Variants in RALY observed in about 807,000 individuals in gnomAD.
RALY encodes the protein RALY heterogeneous nuclear ribonucleoprotein, also known as RNA-binding protein Raly.
A neutral mutation model predicts 30.7 loss-of-function variants in RALY; 15 were observed. The observed-to-expected ratio is 0.49, with a 90% CI of 0.33 to 0.75. The LOEUF (loss-of-function observed/expected upper bound fraction) is 0.75, where lower values mean the gene tolerates loss of function less well. Among genes scored for constraint, RALY ranks in the 30% least tolerant of loss-of-function variants. The probability of loss-of-function intolerance (pLI) is 0.02; values close to 1 mark genes in which losing one functional copy is unlikely to be tolerated. For missense variants in RALY, 339 were observed against 414.3 expected (o/e 0.82, Z 1.58); for synonymous variants, 177 against 170.8 (o/e 1.04, Z -0.28).
chr20:34,014,971 G>A lies in RALY; in HGVS notation c.-92-16551G>A, dbSNP rs143014797. 10 of 152,266 alleles carry A rather than the reference G, an allele frequency of 6.6e-5. No individual in the cohort carries two copies. In the East Asian group the frequency reaches 1.9e-3, roughly 29 times the overall value. The allele number at this position is 152,266 out of a possible 1,614,324, so 9.4% of individuals were successfully genotyped here. ...AAGTCAAAAAAAGAAATGTGACAAA[G>A]TGCTCTGGAAATTTACTGGAATTCT... is the stretch of plus-strand genomic sequence containing the variant. On this transcript the variant is annotated intron_variant, in intron 1 of 9. Coordinates refer to ENST00000246194, the MANE Select transcript of RALY (RefSeq NM_016732.3).
intron 1 of RALY, among the ~76,000 whole-genome samples, chr20:34,015,765 A>G (rs2031582887): frequency 6.6e-6 from 1 of 152,078 alleles, no homozygotes; most frequent in South Asian, 2.1e-4. Flanking sequence ...CTGTTTTCTC[A>G]TGCATACAGG....
In RALY at chr20:34,077,103, G is replaced by T. The variant is rs1253380746; in HGVS notation, c.734G>T (p.Gly245Val). ...GGTGGCAGCGGTGGCGGTGGCAGTGGTGGTGGCGGTGGCGGTGGCAGCAGC... is the reference window on the plus strand; with the variant it reads ...GGTGGCAGCGGTGGCGGTGGCAGTGTTGGTGGCGGTGGCGGTGGCAGCAGC... ...GGGGSGGGGS[G>V]GGGGGGSSRP... is the part of the protein sequence containing the mutation. Residue 245 changes from glycine (G) to valine (V), a missense_variant, in exon 8 of 10, where the codon GGT (glycine) becomes GTT (valine). Transcript: ENST00000246194. 1.2e-6 allele frequency: 2 copies of T among 1,601,994 alleles called. No individual in the cohort carries two copies. Among genetic ancestry groups the T allele is most frequent in the African/African-American group, 1.3e-5 (1 of 74,712 alleles).
chr20:34,034,377 T>C (rs2032398317), intron 2 of RALY, among the ~76,000 whole-genome samples: 1 of 152,234 alleles, frequency 6.6e-6, no homozygotes, highest in Admixed American at 6.5e-5. Context: ...CTACTCTGAA[T>C]ATCCAGGCTC....
chr20:34,076,314 A>T, intron 6 of RALY: 1 of 531,882 alleles, frequency 1.9e-6, no homozygotes, highest in Admixed American at 3.2e-5. Context: ...GGACAGGTCT[A>T]CCCAGGCCCA....
intron 1 of RALY, among the ~76,000 whole-genome samples, chr20:34,022,117 A>G (rs1210072692): frequency 6.9e-6 from 1 of 145,306 alleles, no homozygotes; most frequent in East Asian, 2.0e-4. Flanking sequence ...TTTAATAAAG[A>G]CAATGTCTCA....
At chr20:34,002,734 T>A (rs1035420428) in intron 1 of RALY, among the ~76,000 whole-genome samples, 1 of 152,220 alleles carries the variant, frequency 6.6e-6, no homozygotes, top group Non-Finnish European at 1.5e-5. Flanking sequence ...GGACAACATT[T>A]CCTTTCAGGT....
rs60912814 is a variant in RALY, at chr20:34,053,383, ATTTTTTTTTTT to A, written c.-9-18661_-9-18651del. Reference sequence around the variant, plus strand: ...GCCAACATTTAGTAGATGTTCAATAATTTTTTTTTTTTTTTTTTTTTTTTTTTTTTTTGAGA... The same window carrying A: ...GCCAACATTTAGTAGATGTTCAATAATTTTTTTTTTTTTTTTTTTTTGAGA... On this transcript the variant is annotated intron_variant, in intron 2 of 9. Transcript: ENST00000246194. 1.6e-3 allele frequency among the ~76,000 whole-genome samples: 85 copies of A among 54,148 alleles called. 1 individual carries two copies. The highest frequency in any genetic ancestry group is 2.1e-3 in the East Asian group (3 of 1,400). The allele number at this position is 54,148 out of a possible 152,430, so 35.5% of individuals were successfully genotyped here. A position where few individuals can be genotyped will look rare whatever the true frequency, so the allele number is the denominator to read the frequency against.
chr20:34,063,193 C>T (rs555057386), intron 2 of RALY, among the ~76,000 whole-genome samples: 1 of 152,212 alleles, frequency 6.6e-6, no homozygotes, highest in Non-Finnish European at 1.5e-5. Flanking sequence ...AGGCTTAGTG[C>T]AGTTCCTGGG....
intron 2 of RALY, among the ~76,000 whole-genome samples, chr20:34,046,830 T>G (rs2123155326): frequency 6.8e-6 from 1 of 147,228 alleles, no homozygotes; most frequent in African/African-American, 2.5e-5. Flanking sequence ...TTTTTTTTTT[T>G]TTTTTTGAGA....
At chr20:34,011,335 G>A (rs2031390571) in intron 1 of RALY, among the ~76,000 whole-genome samples, 1 of 152,172 alleles carries the variant, frequency 6.6e-6, no homozygotes, top group Non-Finnish European at 1.5e-5. Context: ...ACATTTTTAA[G>A]AGCAGCTAGA....
intron 1 of RALY, among the ~76,000 whole-genome samples, chr20:34,001,729 G>C (rs1230591854): frequency 6.6e-6 from 1 of 152,020 alleles, no homozygotes; most frequent in Non-Finnish European, 1.5e-5. Flanking sequence ...GGGTTTTTTT[G>C]GTAAGAGATA....
At chr20:34,075,581 C>T (rs1042957552) in intron 5 of RALY, among the ~76,000 whole-genome samples, 2 of 151,994 alleles carry the variant, frequency 1.3e-5, no homozygotes, top group African/African-American at 4.8e-5. Context: ...TGCCAGGGGA[C>T]CTAGGGATGT....
intron 1 of RALY, among the ~76,000 whole-genome samples, chr20:34,018,424 C>G (rs2123043313): frequency 6.6e-6 from 1 of 152,288 alleles, no homozygotes; most frequent in Non-Finnish European, 1.5e-5. Context: ...AACCTTGCTT[C>G]TCTCATGGCA....
At chr20:34,034,691 T>G (rs2032412857) in intron 2 of RALY, among the ~76,000 whole-genome samples, 1 of 152,246 alleles carries the variant, frequency 6.6e-6, no homozygotes, top group Non-Finnish European at 1.5e-5. Context: ...CAGTGCTAAT[T>G]TATTCTTATT....
chr20:34,029,094 T>C (rs573092800), intron 1 of RALY, among the ~76,000 whole-genome samples: 2 of 152,248 alleles, frequency 1.3e-5, no homozygotes, highest in African/African-American at 4.8e-5. Context: ...TCTGCCTTTG[T>C]AATGTCAGTA....
At chr20:34,033,358 T>G (rs1325911580) in intron 2 of RALY, 2 of 152,220 alleles carry the variant, frequency 1.3e-5, no homozygotes, top group Non-Finnish European at 2.9e-5. Flanking sequence ...TTAGCTCGTT[T>G]TATGTTGTTA....
At chr20:33,996,163 G>A (rs1016157388) in intron 1 of RALY, among the ~76,000 whole-genome samples, 2 of 152,124 alleles carry the variant, frequency 1.3e-5, no homozygotes, top group East Asian at 3.8e-4. Flanking sequence ...TTTTTACTGT[G>A]AGGGAATGGA....
At position 34,002,809 on chromosome 20, in the gene RALY, G is replaced by A. The variant is rs78394651; in HGVS notation, c.-93+8678G>A. On this transcript the variant is annotated intron_variant, in intron 1 of 9. Coordinates refer to ENST00000246194, the MANE Select transcript of RALY (RefSeq NM_016732.3). ...TCTCTGGCTGGCTTCAGGAAGATTT[G>A]GTATTGTCTCGCTTCTTATGTAGAA... Among the ~76,000 whole-genome samples, 671 of 152,094 alleles carry A rather than the reference G, an allele frequency of 4.4e-3. 8 individuals are homozygous for A. Among genetic ancestry groups the A allele is most frequent in the African/African-American group, 0.016 (650 of 41,488 alleles).
chr20:34,026,796 C>A (rs1488670621), intron 1 of RALY, among the ~76,000 whole-genome samples: 1 of 152,000 alleles, frequency 6.6e-6, no homozygotes, highest in Non-Finnish European at 1.5e-5. Context: ...CTTGTGAAAA[C>A]AAGAATGGGA....
Sources: gnomAD v4.1 joint callset for allele counts (sites outside exome capture counted in the v4.1 genomes callset) on GRCh38, gnomAD v4.1.1 for gene constraint, MANE v1.5 for transcripts, NCBI Gene and HGNC (gene_info 2026-07-23, HGNC 2026-07-21) for gene names.